The following DLGAP3 variants were observed in gnomAD, a reference collection of about 807,000 sequenced individuals.
DLGAP3 encodes the protein DLG associated protein 3.
A neutral mutation model predicts 81.2 loss-of-function variants in DLGAP3; 17 were observed. That is an observed-to-expected ratio of 0.21 (90% confidence interval 0.14 to 0.31). The LOEUF (loss-of-function observed/expected upper bound fraction) is 0.31, where lower values mean the gene tolerates loss of function less well. DLGAP3 is among the 10% of genes least tolerant of loss of function. The pLI is 1.00. For synonymous variants in DLGAP3, 577 were observed against 587.4 expected (o/e 0.98, Z 0.26); for missense variants, 1,124 against 1,388.0 (o/e 0.81, Z 3.02).
chr1:34,886,220 G>T lies in DLGAP3; in HGVS notation c.1452C>A (p.Ser484=). The change falls in exon 6 of 12, where the codon TCC becomes TCA. Residue 484 remains serine, a synonymous_variant. Transcript: ENST00000373347. ...VCGSVFGELE[S]QAVDALDLPG... Reference sequence around the variant, plus strand: ...GCAGGTCCAGGGCGTCCACGGCCTGGGACTCCAGCTCCCCAAACACCGACC... The same window carrying T: ...GCAGGTCCAGGGCGTCCACGGCCTGTGACTCCAGCTCCCCAAACACCGACC... The T allele has an allele frequency of 1.9e-6, 3 of 1,611,332 alleles. No individual in the cohort carries two copies. The highest frequency in any genetic ancestry group is 1.7e-6 in the Non-Finnish European group (2 of 1,179,262).
rs59073158 is a variant in DLGAP3 at position 34,894,264 on chromosome 1, C to CAAAA, written c.1386+5401_1386+5404dup. On this transcript the variant is annotated intron_variant, in intron 5 of 11. Coordinates refer to ENST00000373347, the MANE Select transcript of DLGAP3 (RefSeq NM_001080418.3). ...CAAAAGGCATAGTGATAAGATAAAG[C>CAAAA]AAAAAAAAAAAAAAAACCATTAGAT... Among the ~76,000 whole-genome samples the CAAAA allele has an allele frequency of 6.8e-5, 8 of 117,266 alleles. 1 individual carries two copies. The highest frequency in any genetic ancestry group is 8.7e-5 in the Admixed American group (1 of 11,494). 76.9% of individuals were successfully genotyped at this position (117,266 alleles called of 152,430 possible).
rs1356162801 is a variant in DLGAP3, at chr1:34,904,026, C to G, written c.1107+251G>C. ...AGATATCAGCACAGCCTGTCCAAAA[C>G]AGTAGGTCAAGGGAAAATCTCTAGG... On this transcript the variant is annotated intron_variant, in intron 3 of 11. Coordinates refer to ENST00000373347, the MANE Select transcript of DLGAP3 (RefSeq NM_001080418.3). The surrounding 1 kb of genome is among the most constrained non-coding windows in gnomAD (Gnocchi z 8.1). Among the ~76,000 whole-genome samples, 1 of 152,170 alleles carries G rather than the reference C, an allele frequency of 6.6e-6. No individual in the cohort carries two copies. The highest frequency in any genetic ancestry group is 2.4e-5 in the African/African-American group (1 of 41,434).
chr1:34,885,693 C>T lies in DLGAP3; in HGVS notation c.1699G>A (p.Glu567Lys), dbSNP rs1215757336. ...TAQSSTDSAH[E>K]SFTAAEGPAR... ...GGGCCCTCGGCCGCCGTGAAGCTCTCGTGCGCGGAGTCGGTGCTGCTCTGG... is the reference window on the plus strand; with the variant it reads ...GGGCCCTCGGCCGCCGTGAAGCTCTTGTGCGCGGAGTCGGTGCTGCTCTGG... Residue 567 changes from glutamate to lysine, a missense_variant, in exon 7 of 12, where the codon GAG becomes AAG. Physicochemically the swap from Glu to Lys is moderately conservative, Grantham distance 56. Transcript: ENST00000373347. The T allele has an allele frequency of 7.1e-7, 1 of 1,414,416 alleles. No homozygotes were observed. The allele number at this position is 1,414,416 out of a possible 1,614,324, so 87.6% of individuals were successfully genotyped here. A position where few individuals can be genotyped will look rare whatever the true frequency, so the allele number is the denominator to read the frequency against.
rs866789064 is a variant in DLGAP3, at chr1:34,885,755, G to C, written c.1637C>G (p.Pro546Arg). ...NFRKAPPPIP[P>R]GSQAPPRISI... The stretch of plus-strand genomic sequence containing the variant: ...GATGCGGGGCGGGGCCTGGCTTCCC[G>C]GCGGGATGGGGGGCGGGGCCTTTCT... Residue 546 changes from proline (P) to arginine (R), a missense_variant, in exon 7 of 12, where the codon CCG (proline) becomes CGG (arginine). Around this residue, in one of 9 missense-constraint regions of DLGAP3, gnomAD observed 379 missense variants for 455.7 expected, o/e 0.83. Transcript: ENST00000373347. The C allele has an allele frequency of 2.1e-5, 30 of 1,414,802 alleles. No homozygotes were observed. The highest frequency in any genetic ancestry group is 2.7e-5 in the Non-Finnish European group (29 of 1,093,202). The allele number at this position is 1,414,802 out of a possible 1,614,324, so 87.6% of individuals were successfully genotyped here. A position where few individuals can be genotyped will look rare whatever the true frequency, so the allele number is the denominator to read the frequency against.
intron 1 of DLGAP3, among the ~76,000 whole-genome samples, chr1:34,923,671 C>T (rs1056097939): frequency 6.6e-6 from 1 of 151,850 alleles, no homozygotes; most frequent in Non-Finnish European, 1.5e-5. Flanking sequence ...AAACACCTCC[C>T]CTCCCCAAAC....
At chr1:34,866,468 T>C (rs1373948569) in intron 11 of DLGAP3, among the ~76,000 whole-genome samples, 167 bp from the exon 12 acceptor site, 1 of 152,050 alleles carries the variant, frequency 6.6e-6, no homozygotes, top group African/African-American at 2.4e-5. Flanking sequence ...GGTGCTCCTG[T>C]TCCGACAAGG....
chr1:34,905,455 G>T (rs559897655), intron 2 of DLGAP3, 21 bp from the exon 3 acceptor site: 1 of 1,485,982 alleles, frequency 6.7e-7, no homozygotes, highest in East Asian at 2.5e-5. Flanking sequence ...AGGGAGAAAA[G>T]GTATTTGAAT....
At chr1:34,917,262 C>T (rs575234214) in intron 1 of DLGAP3, among the ~76,000 whole-genome samples, 6 of 152,234 alleles carry the variant, frequency 3.9e-5, no homozygotes, top group African/African-American at 7.2e-5. Context: ...GTCACTGTCA[C>T]GCTGTATACC....
chr1:34,889,677 G>A lies in DLGAP3; in HGVS notation c.1387-3392C>T, dbSNP rs570724410. ...GCAACATCGTGTATACTTTACTTGT[G>A]TTATTTAGTTTAGATAACCTTTAGA... On this transcript the variant is annotated intron_variant, in intron 5 of 11. Coordinates refer to ENST00000373347, the MANE Select transcript of DLGAP3 (RefSeq NM_001080418.3). Among the ~76,000 whole-genome samples, 615 of 152,310 alleles carry A rather than the reference G, an allele frequency of 4.0e-3. 3 individuals are homozygous for A. The highest frequency in any genetic ancestry group is 0.014 in the South Asian group (66 of 4,828).
At chr1:34,903,171 C>A (rs1249496027) in intron 3 of DLGAP3, among the ~76,000 whole-genome samples, 1 of 152,232 alleles carries the variant, frequency 6.6e-6, no homozygotes. Context: ...TTAGCCAGCA[C>A]TCAACAACTG....
At position 34,868,489 on chromosome 1, in the gene DLGAP3, C is replaced by A; in HGVS notation, c.2485+116G>T. ...GCTCCAGTGCAGAAGACCAGTGAGG[C>A]ACCAACCGAAGGGGCCTCCTGTTAC... is the stretch of plus-strand genomic sequence containing the variant. On this transcript the variant is annotated intron_variant, in intron 9 of 11. Transcript: ENST00000373347. The surrounding 1 kb of genome is among the most constrained non-coding windows in gnomAD (Gnocchi z 7.5). The A allele has an allele frequency of 2.4e-6, 2 of 839,212 alleles. No individual in the cohort carries two copies. The highest frequency in any genetic ancestry group is 1.7e-5 in the African/African-American group (1 of 60,088). The allele number at this position is 839,212 out of a possible 1,614,324, so 52.0% of individuals were successfully genotyped here. A position where few individuals can be genotyped will look rare whatever the true frequency, so the allele number is the denominator to read the frequency against.
intron 8 of DLGAP3, among the ~76,000 whole-genome samples, chr1:34,880,446 G>C (rs1179737811): frequency 1.3e-5 from 2 of 152,136 alleles, no homozygotes; most frequent in Admixed American, 6.5e-5. Context: ...GAAATAAAAA[G>C]GGAGCCAAGC....
At position 34,885,074 on chromosome 1, in the gene DLGAP3, G is replaced by T; in HGVS notation, c.1915-11C>A. 1 of 1,611,782 alleles carries T rather than the reference G, an allele frequency of 6.2e-7. No individual in the cohort carries two copies. The highest frequency in any genetic ancestry group is 8.5e-7 in the Non-Finnish European group (1 of 1,178,686). On this transcript the variant is annotated splice_polypyrimidine_tract_variant and intron_variant, in intron 7 of 11. Coordinates refer to ENST00000373347, the MANE Select transcript of DLGAP3 (RefSeq NM_001080418.3). The stretch of plus-strand genomic sequence containing the variant: ...TGAGATCGTCTCCACCTGGTGGCAG[G>T]GTGGAGGAGTCAGTGGCTGTGGCGA...
Position 34,900,394 on chromosome 1 carries a change from A to G in DLGAP3, c.1108-121T>C, listed in dbSNP as rs1325126563. The G allele has an allele frequency of 8.9e-6, 9 of 1,010,834 alleles. No individual in the cohort carries two copies. The highest frequency in any genetic ancestry group is 1.4e-5 in the Non-Finnish European group (9 of 652,354). The allele number at this position is 1,010,834 out of a possible 1,614,324, so 62.6% of individuals were successfully genotyped here. A position where few individuals can be genotyped will look rare whatever the true frequency, so the allele number is the denominator to read the frequency against. On this transcript the variant is annotated intron_variant, in intron 3 of 11. Transcript: ENST00000373347. This position sits in a 1 kb window ranked among gnomAD's most constrained non-coding sequence, Gnocchi z 5.6. ...GGCTTGAACAGGCACACTCAGGTAC[A>G]TGCAGAGGCAGAAGGGGAGGTAGGG...
chr1:34,891,011 C>T (rs1639303096), intron 5 of DLGAP3, among the ~76,000 whole-genome samples: 1 of 152,022 alleles, frequency 6.6e-6, no homozygotes. Flanking sequence ...AATAAAATAA[C>T]TTTTAAATGA....
chr1:34,903,759 C>G (rs936018765), intron 3 of DLGAP3, among the ~76,000 whole-genome samples: 11 of 152,344 alleles, frequency 7.2e-5, no homozygotes, highest in African/African-American at 2.6e-4. Flanking sequence ...GCTGTCCCAC[C>G]ACCGGTACCC....
In DLGAP3 at chr1:34,927,376, G is replaced by A. The variant is rs1569677014; in HGVS notation, c.-135+2075C>T. ...CCTTGGGCAAGTCCCCTCCCTTCTT[G>A]GGGCTTCAGAGTCCCCGGTTTGTAA... On this transcript the variant is annotated intron_variant, in intron 1 of 11. Transcript: ENST00000373347. 3.3e-5 allele frequency among the ~76,000 whole-genome samples: 5 copies of A among 152,014 alleles called. No individual in the cohort carries two copies. The South Asian group carries it at 1.0e-3, about 32-fold the overall frequency.
chr1:34,917,753 A>G (rs1639739115), intron 1 of DLGAP3, among the ~76,000 whole-genome samples: 1 of 152,224 alleles, frequency 6.6e-6, no homozygotes, highest in South Asian at 2.1e-4. Flanking sequence ...TTCATTTCAC[A>G]GCATTTAGGC....
At chr1:34,913,948 A>G (rs745532993) in intron 1 of DLGAP3, among the ~76,000 whole-genome samples, 24 of 152,146 alleles carry the variant, frequency 1.6e-4, no homozygotes, top group Non-Finnish European at 3.2e-4. Context: ...TCTCCCCCAG[A>G]TATGTCCCTC....
Sources: allele counts gnomAD v4.1 joint callset (sites outside exome capture counted in the v4.1 genomes callset), GRCh38; gene constraint gnomAD v4.1.1; regional missense constraint gnomAD v4.1.1; non-coding constraint Gnocchi (gnomAD v3.1); transcripts MANE v1.5; gene names NCBI Gene and HGNC (gene_info 2026-07-23, HGNC 2026-07-21).